The following TAF4B variants were observed in gnomAD, a reference collection of about 807,000 sequenced individuals.
TAF4B encodes TATA-box binding protein associated factor 4b.
Under a neutral mutation model 86.4 loss-of-function variants are expected in TAF4B, and 38 were observed. The ratio of observed to expected loss-of-function variants is 0.44; its 90% CI spans 0.34 to 0.58. TAF4B has a LOEUF of 0.58. TAF4B is among the 20% of genes least tolerant of loss of function. The pLI, the probability that TAF4B is intolerant of heterozygous loss-of-function variation, is 0.02. For synonymous variants in TAF4B, 388 were observed against 391.2 expected, an observed-to-expected ratio of 0.99 and a Z score of 0.10; for missense variants, 988 against 1,027.6, an observed-to-expected ratio of 0.96 and a Z score of 0.53.
chr18:26,232,035 T>A (rs1397749870), intron 1 of TAF4B, among the ~76,000 whole-genome samples: 1 of 152,312 alleles, frequency 6.6e-6, no homozygotes, highest in Middle Eastern at 3.4e-3. Flanking sequence ...TATAGAGCGC[T>A]GATTGGTGCA....
At chr18:26,285,211 T>TTTTTGTTTTTGTTTTTGTTTTTG (rs1568127447) in intron 6 of TAF4B, among the ~76,000 whole-genome samples, 6 of 82,678 alleles carry the variant, frequency 7.3e-5, no homozygotes, top group Non-Finnish European at 1.3e-4. Context: ...CTTCCTTTCC[T>TTTTTGTTTTTGTTTTTGTTTTTG]TTTTTTTTTT....
intron 13 of TAF4B, among the ~76,000 whole-genome samples, chr18:26,352,682 G>A (rs989907904): frequency 6.6e-6 from 1 of 152,124 alleles, no homozygotes; most frequent in African/African-American, 2.4e-5. Flanking sequence ...CATAAGCCCA[G>A]GAGGTGAAGG....
chr18:26,253,407 C>A (rs1254152306), intron 1 of TAF4B, among the ~76,000 whole-genome samples: 1 of 152,102 alleles, frequency 6.6e-6, no homozygotes, highest in African/African-American at 2.4e-5. Flanking sequence ...CTAAACCACC[C>A]TTGTATTCTT....
chr18:26,374,391 TTG>T (rs2057428543), intron 14 of TAF4B, among the ~76,000 whole-genome samples: 1 of 152,186 alleles, frequency 6.6e-6, no homozygotes, highest in Non-Finnish European at 1.5e-5. Flanking sequence ...TCTCCTTAAG[TTG>T]TAGTATTCTC....
chr18:26,324,757 T>C (rs2056991012), intron 11 of TAF4B, among the ~76,000 whole-genome samples: 1 of 152,222 alleles, frequency 6.6e-6, no homozygotes, highest in South Asian at 2.1e-4. Flanking sequence ...AATGCCACTG[T>C]CTACATTTGC....
intron 14 of TAF4B, 62 bp from the exon 15 acceptor site, chr18:26,389,783 G>A: frequency 1.3e-6 from 2 of 1,551,116 alleles, no homozygotes; most frequent in Non-Finnish European, 1.7e-6. Flanking sequence ...TGCTAGAATT[G>A]ACAGGCTTTC....
At position 26,321,179 on chromosome 18, in the gene TAF4B, G is replaced by A. The variant is rs374247645; in HGVS notation, c.2112G>A (p.Gln704=). 5.0e-6 allele frequency: 8 copies of A among 1,613,616 alleles called. No individual in the cohort carries two copies. The highest frequency in any genetic ancestry group is 2.7e-5 in the African/African-American group (2 of 74,892). Residue 704 remains glutamine (Q), a synonymous_variant, in exon 11 of 15, where the codon CAG becomes CAA. Coordinates refer to ENST00000269142, the MANE Select transcript of TAF4B (RefSeq NM_005640.3). ...GLLEKLTAIA[Q]HRMTTYKASE... is the part of the protein sequence containing the mutation. Reference sequence around the variant, plus strand: ...TAGAAAAACTGACTGCAATTGCTCAGCATCGAATGACTACTTACAAGGTAA... The same window carrying A: ...TAGAAAAACTGACTGCAATTGCTCAACATCGAATGACTACTTACAAGGTAA...
intron 14 of TAF4B, among the ~76,000 whole-genome samples, chr18:26,362,642 A>G (rs1189326194): frequency 2.6e-5 from 4 of 152,214 alleles, no homozygotes; most frequent in Non-Finnish European, 5.9e-5. Flanking sequence ...ATGCAAAATT[A>G]TTTAATTTTT....
intron 13 of TAF4B, among the ~76,000 whole-genome samples, chr18:26,343,613 C>A (rs2057153198): frequency 6.6e-6 from 1 of 152,144 alleles, no homozygotes; most frequent in African/African-American, 2.4e-5. Context: ...TCTAGAATAC[C>A]CAGAGTTTCA....
chr18:26,302,371 A>AT (rs66683595), intron 9 of TAF4B, among the ~76,000 whole-genome samples: 6,336 of 92,864 alleles, frequency 0.068, 533 homozygotes, highest in Admixed American at 0.15. Context: ...TTCATATTAA[A>AT]TTTTTTTTTT....
chr18:26,301,289 G>GT (rs1222072813), intron 9 of TAF4B, among the ~76,000 whole-genome samples: 27 of 147,210 alleles, frequency 1.8e-4, no homozygotes, highest in Admixed American at 7.4e-4. Flanking sequence ...GGTTGTTGTT[G>GT]TTGTTTTTTT....
At chr18:26,272,023 G>A (rs1230515751) in intron 3 of TAF4B, among the ~76,000 whole-genome samples, 1 of 150,692 alleles carries the variant, frequency 6.6e-6, no homozygotes, top group East Asian at 1.9e-4. Flanking sequence ...AGGGGTTCCC[G>A]TTAGCAGGCC....
intron 9 of TAF4B, among the ~76,000 whole-genome samples, chr18:26,312,151 C>G (rs984006643): frequency 1.3e-5 from 2 of 152,144 alleles, no homozygotes; most frequent in Non-Finnish European, 2.9e-5. Flanking sequence ...CGCATCAGAC[C>G]AGAAGACTTG....
intron 9 of TAF4B, among the ~76,000 whole-genome samples, chr18:26,294,899 C>G (rs150955244): frequency 4.7e-5 from 7 of 150,088 alleles, no homozygotes; most frequent in East Asian, 1.9e-4. Context: ...ACACACATTT[C>G]TTAGATAACA....
At chr18:26,385,058 G>A (rs1978319138) in intron 14 of TAF4B, among the ~76,000 whole-genome samples, 2 of 152,224 alleles carry the variant, frequency 1.3e-5, no homozygotes, top group South Asian at 4.1e-4. Context: ...AGGCCCGTAT[G>A]GAGTCACTGC....
At chr18:26,334,368 G>T (rs933291429) in intron 12 of TAF4B, among the ~76,000 whole-genome samples, 6 of 152,000 alleles carry the variant, frequency 3.9e-5, no homozygotes, top group East Asian at 1.9e-4. Context: ...GTTAACGAAG[G>T]TTTCATTTTA....
intron 14 of TAF4B, among the ~76,000 whole-genome samples, chr18:26,360,617 C>T (rs1472430910): frequency 3.9e-5 from 6 of 152,016 alleles, no homozygotes; most frequent in African/African-American, 4.8e-5. Flanking sequence ...TGATTCGTAC[C>T]GAACTTGAGT....
chr18:26,330,219 G>A (rs987320043), intron 12 of TAF4B, among the ~76,000 whole-genome samples: 2 of 152,144 alleles, frequency 1.3e-5, no homozygotes, highest in African/African-American at 4.8e-5. Flanking sequence ...CTACCATGTG[G>A]AAGAGCTTTC....
chr18:26,315,159 TCTCACACACACA>T, intron 9 of TAF4B, 58 bp from the exon 10 acceptor site: 1 of 299,796 alleles, frequency 3.3e-6, no homozygotes, highest in Non-Finnish European at 5.0e-6. Context: ...TCTCTCTCTC[TCTCACACACACA>T]CACACACACA....
Sources: allele counts gnomAD v4.1 joint callset (sites outside exome capture counted in the v4.1 genomes callset), GRCh38; gene constraint gnomAD v4.1.1; transcripts MANE v1.5; gene names NCBI Gene and HGNC (gene_info 2026-07-23, HGNC 2026-07-21).